RIC1: variants seen among roughly 807,000 people sequenced by gnomAD.
The protein encoded by RIC1 is RIC1 partner of RAB6A GEF complex, also known as guanine nucleotide exchange factor subunit RIC1.
RIC1 carries 88 observed loss-of-function variants against 169.0 expected under a neutral mutation model. That is an observed-to-expected ratio of 0.52 (90% CI 0.44 to 0.62). The LOEUF (loss-of-function observed/expected upper bound fraction) is 0.62, where lower values mean the gene tolerates loss of function less well. RIC1 is among the 20% of genes least tolerant of loss of function. The probability of loss-of-function intolerance (pLI) is 0.00; values close to 1 mark genes in which losing one functional copy is unlikely to be tolerated. For synonymous variants in RIC1, 790 were observed against 601.5 expected (o/e 1.31, Z -4.59); for missense variants, 1,877 against 1,725.5 (o/e 1.09, Z -1.56).
chr9:5,691,185 T>C (rs13285407), intron 3 of RIC1, among the ~76,000 whole-genome samples: 2,963 of 152,002 alleles, frequency 0.019, 36 homozygotes, highest in Non-Finnish European at 0.025. Context: ...TTGACCATAT[T>C]ATAATGCCAA....
intron 7 of RIC1, among the ~76,000 whole-genome samples, chr9:5,737,789 T>G (rs1018335430): frequency 1.3e-5 from 2 of 150,668 alleles, no homozygotes; most frequent in African/African-American, 4.9e-5. Flanking sequence ...ACTTTTTATT[T>G]TATATATATT....
chr9:5,701,548 T>C (rs1220665080), intron 3 of RIC1, among the ~76,000 whole-genome samples: 1 of 151,614 alleles, frequency 6.6e-6, no homozygotes, highest in African/African-American at 2.4e-5. Context: ...TTGCCGAGAT[T>C]GCACCACTGC....
intron 4 of RIC1, among the ~76,000 whole-genome samples, chr9:5,714,296 A>T (rs1267663064): frequency 2.0e-5 from 3 of 152,188 alleles, no homozygotes; most frequent in African/African-American, 7.2e-5. Flanking sequence ...TTCCCAAAAC[A>T]ATACTGATGA....
At chr9:5,690,962 CAAATA>C (rs1821559087) in intron 3 of RIC1, among the ~76,000 whole-genome samples, 1 of 151,584 alleles carries the variant, frequency 6.6e-6, no homozygotes, top group African/African-American at 2.4e-5. Context: ...AAAATAAACC[CAAATA>C]AAATAAACAT....
chr9:5,678,996 T>C (rs1275520122), intron 2 of RIC1, among the ~76,000 whole-genome samples: 2 of 152,136 alleles, frequency 1.3e-5, no homozygotes, highest in Admixed American at 6.5e-5. Flanking sequence ...TTTAAGTCTT[T>C]AATCCATCTT....
rs759847194 is a variant in RIC1, at chr9:5,765,504, A to G, written c.2932A>G (p.Met978Val). Residue 978 changes from methionine (M) to valine (V), a missense_variant, in exon 20 of 26, where the codon ATG becomes GTG. This residue lies in a region of RIC1 where 681 missense variants were observed against 582.0 expected (regional missense o/e 1.17). Coordinates refer to ENST00000414202, the MANE Select transcript of RIC1 (RefSeq NM_020829.4). ...EQGKWDLCRH[M>V]IRFLKAIGSG... ...AGGCAAGTGGGACCTTTGTCGACAC[A>G]TGATTCGATTTCTTAAAGCCATTGG... 1 of 1,614,220 alleles carries G rather than the reference A, an allele frequency of 6.2e-7. No individual in the cohort carries two copies. Among genetic ancestry groups the G allele is most frequent in the Non-Finnish European group, 8.5e-7 (1 of 1,180,014 alleles).
chr9:5,666,729 C>A (rs1819789354), intron 2 of RIC1, among the ~76,000 whole-genome samples: 1 of 152,118 alleles, frequency 6.6e-6, no homozygotes. Flanking sequence ...GTGAATGAAT[C>A]CCACTTTGTC....
chr9:5,681,983 C>T (rs1479167520), intron 2 of RIC1, among the ~76,000 whole-genome samples: 1 of 152,102 alleles, frequency 6.6e-6, no homozygotes, highest in Non-Finnish European at 1.5e-5. Context: ...ATTGCAACCC[C>T]TGCCTTTTTT....
At chr9:5,630,117 C>T (rs1463886190) in intron 1 of RIC1, among the ~76,000 whole-genome samples, 2 of 152,160 alleles carry the variant, frequency 1.3e-5, no homozygotes, top group Non-Finnish European at 2.9e-5. Flanking sequence ...CCGCGGAACT[C>T]CCAGTTATAA....
intron 6 of RIC1, among the ~76,000 whole-genome samples, chr9:5,724,354 T>C (rs1823814066): frequency 6.6e-6 from 1 of 152,246 alleles, no homozygotes; most frequent in Non-Finnish European, 1.5e-5. Flanking sequence ...GATTTGGTTC[T>C]GTGTTTGTCT....
chr9:5,776,277 T>C lies in RIC1; in HGVS notation c.*2031T>C, dbSNP rs897350602. 2.0e-5 allele frequency: 3 copies of C among 152,158 alleles called. No individual in the cohort carries two copies. Among genetic ancestry groups the C allele is most frequent in the African/African-American group, 7.2e-5 (3 of 41,444 alleles). 9.4% of individuals were successfully genotyped at this position (152,158 alleles called of 1,614,324 possible). A position where few individuals can be genotyped will look rare whatever the true frequency, so the allele number is the denominator to read the frequency against. Reference sequence around the variant, plus strand: ...CAGGTTTACAGAAAATTTGGTAATTTATTTGTTATATACCTTAATTTTTAA... The same window carrying C: ...CAGGTTTACAGAAAATTTGGTAATTCATTTGTTATATACCTTAATTTTTAA... On this transcript the variant is annotated 3_prime_UTR_variant, in exon 26 of 26. Coordinates refer to ENST00000414202, the MANE Select transcript of RIC1 (RefSeq NM_020829.4).
At chr9:5,706,458 A>G (rs1377704375) in intron 3 of RIC1, among the ~76,000 whole-genome samples, 1 of 152,190 alleles carries the variant, frequency 6.6e-6, no homozygotes, top group African/African-American at 2.4e-5. Context: ...CTCAAAAAAA[A>G]GGAATGAATT....
chr9:5,702,312 A>T (rs1822268668), intron 3 of RIC1, among the ~76,000 whole-genome samples: 1 of 152,150 alleles, frequency 6.6e-6, no homozygotes, highest in Non-Finnish European at 1.5e-5. Context: ...CCATAAATAA[A>T]CACCTAAGAC....
intron 6 of RIC1, among the ~76,000 whole-genome samples, chr9:5,729,145 C>T (rs116617248): frequency 2.5e-3 from 377 of 152,264 alleles, no homozygotes; most frequent in African/African-American, 8.4e-3. Context: ...GTTAAGCTAG[C>T]GGGTCCAAAT....
chr9:5,715,224 C>T (rs751404346), intron 4 of RIC1, among the ~76,000 whole-genome samples: 1 of 152,058 alleles, frequency 6.6e-6, no homozygotes, highest in Admixed American at 6.6e-5. Flanking sequence ...TAACTTGATA[C>T]ATAAGGAATT....
At position 5,695,832 on chromosome 9, in the gene RIC1, A is replaced by T. The variant is rs929833765; in HGVS notation, c.332+5794A>T. On this transcript the variant is annotated intron_variant, in intron 3 of 25. Coordinates refer to ENST00000414202, the MANE Select transcript of RIC1 (RefSeq NM_020829.4). ...GTGATCTGCCTGCCTCGGCCTCCCA[A>T]AGTGCTGGGATTTCAGGCGTGAGCC... 3.9e-5 allele frequency among the ~76,000 whole-genome samples: 6 copies of T among 151,950 alleles called. 1 individual carries two copies. Among genetic ancestry groups the T allele is most frequent in the Non-Finnish European group, 7.4e-5 (5 of 67,970 alleles).
At chr9:5,683,857 C>T (rs1417700338) in intron 2 of RIC1, among the ~76,000 whole-genome samples, 1 of 152,202 alleles carries the variant, frequency 6.6e-6, no homozygotes, top group East Asian at 1.9e-4. Flanking sequence ...GGCGCCCCTC[C>T]CCCAGCCTCG....
At chr9:5,737,084 C>G (rs1587069117) in intron 7 of RIC1, among the ~76,000 whole-genome samples, 1 of 151,996 alleles carries the variant, frequency 6.6e-6, no homozygotes, top group African/African-American at 2.4e-5. Context: ...ATTTGTTTCT[C>G]TTTCTCACTA....
intron 23 of RIC1, among the ~76,000 whole-genome samples, chr9:5,770,739 C>T (rs1586732337): frequency 1.3e-5 from 2 of 151,924 alleles, no homozygotes; most frequent in East Asian, 1.9e-4. Flanking sequence ...TGCTTTTTCT[C>T]TTGCTATATA....
Sources: allele counts gnomAD v4.1 joint callset (sites outside exome capture counted in the v4.1 genomes callset), GRCh38; gene constraint gnomAD v4.1.1; regional missense constraint gnomAD v4.1.1; transcripts MANE v1.5; gene names NCBI Gene and HGNC (gene_info 2026-07-23, HGNC 2026-07-21).